The following PPM1L variants were observed in gnomAD, a reference collection of about 807,000 sequenced individuals.
PPM1L encodes protein phosphatase 1L.
PPM1L carries 13 observed loss-of-function variants against 31.4 expected under a neutral mutation model. The ratio of observed to expected loss-of-function variants is 0.41; its 90% confidence interval spans 0.27 to 0.66. The LOEUF (loss-of-function observed/expected upper bound fraction) is 0.66, where lower values mean the gene tolerates loss of function less well. Among genes scored for constraint, PPM1L ranks in the 30% least tolerant of loss-of-function variants. The pLI is 0.29. For missense variants in PPM1L, 326 were observed against 453.7 expected (o/e 0.72, Z 2.56); for synonymous variants, 184 against 175.4 (o/e 1.05, Z -0.39).
intron 1 of PPM1L, among the ~76,000 whole-genome samples, chr3:160,908,848 G>A (rs1713854810): frequency 6.6e-6 from 1 of 152,164 alleles, no homozygotes; most frequent in Non-Finnish European, 1.5e-5. Context: ...GCTAAACCTT[G>A]AGTGGTGAAT....
chr3:160,947,644 C>T (rs1293123473), intron 1 of PPM1L, among the ~76,000 whole-genome samples: 1 of 152,100 alleles, frequency 6.6e-6, no homozygotes, highest in Non-Finnish European at 1.5e-5. Flanking sequence ...TCTACTTCTG[C>T]CCACTCCCCA....
At chr3:160,773,447 T>G (rs1205236692) in intron 1 of PPM1L, among the ~76,000 whole-genome samples, 1 of 152,152 alleles carries the variant, frequency 6.6e-6, no homozygotes, top group African/African-American at 2.4e-5. Context: ...GGAAAGAGGC[T>G]GAGAAGTACA....
chr3:161,069,203 C>T lies in PPM1L; in HGVS notation c.*46C>T, dbSNP rs761632799. ...GCCTTAGACTAAAGGACTTTCAACA[C>T]ACTGGTCTCTTTTAATTTAGTGAAA... On this transcript the variant is annotated 3_prime_UTR_variant, in exon 4 of 4. Coordinates refer to ENST00000498165, the MANE Select transcript of PPM1L (RefSeq NM_139245.4). 7.3e-7 allele frequency: 1 copy of T among 1,369,002 alleles called. No individual in the cohort carries two copies. Among genetic ancestry groups the T allele is most frequent in the South Asian group, 1.3e-5 (1 of 74,564 alleles). The allele number at this position is 1,369,002 out of a possible 1,614,324, so 84.8% of individuals were successfully genotyped here.
At chr3:160,818,366 G>A (rs1169489817) in intron 1 of PPM1L, among the ~76,000 whole-genome samples, 1 of 151,980 alleles carries the variant, frequency 6.6e-6, no homozygotes, top group East Asian at 1.9e-4. Flanking sequence ...CACAGTATTT[G>A]TTTGAAAGCC....
intron 1 of PPM1L, among the ~76,000 whole-genome samples, chr3:160,864,983 G>A (rs1363614670): frequency 6.6e-6 from 1 of 152,122 alleles, no homozygotes; most frequent in Non-Finnish European, 1.5e-5. Flanking sequence ...AAACCACTGA[G>A]GAAGTTTATA....
At position 161,049,293 on chromosome 3, in the gene PPM1L, C is replaced by A. The variant is rs538918922; in HGVS notation, c.575-16110C>A. 7.9e-4 allele frequency among the ~76,000 whole-genome samples: 120 copies of A among 151,504 alleles called. 1 individual carries two copies. In the South Asian group the frequency reaches 0.01, roughly 13 times the overall value. On this transcript the variant is annotated intron_variant, in intron 2 of 3. Transcript: ENST00000498165. ...ATCCTGTCTCAAAAAAAAAACCAAA[C>A]CAAAACAAAACAAAACAAAAAAACC...
chr3:160,765,675 A>G (rs1415370708), intron 1 of PPM1L, among the ~76,000 whole-genome samples: 2 of 152,232 alleles, frequency 1.3e-5, no homozygotes, highest in Non-Finnish European at 2.9e-5. Flanking sequence ...CATAGAAATT[A>G]TAGTGGTATT....
chr3:160,968,451 A>G (rs941100531), intron 2 of PPM1L, among the ~76,000 whole-genome samples: 4 of 152,288 alleles, frequency 2.6e-5, no homozygotes, highest in African/African-American at 9.6e-5. Context: ...CTAAATATTT[A>G]TTATGTGTCA....
At position 160,801,704 on chromosome 3, in the gene PPM1L, T is replaced by G. The variant is rs1712430960; in HGVS notation, c.399+44997T>G. On this transcript the variant is annotated intron_variant, in intron 1 of 3. Transcript: ENST00000498165. ...CTGCAGTTTTTTGTTTTGTTTTGTTTTTAAAACTGTGTCCCTGCCTCTAGT... is the reference window on the plus strand; with the variant it reads ...CTGCAGTTTTTTGTTTTGTTTTGTTGTTAAAACTGTGTCCCTGCCTCTAGT... 4.6e-5 allele frequency among the ~76,000 whole-genome samples: 7 copies of G among 152,200 alleles called. No individual in the cohort carries two copies. The South Asian group carries it at 1.5e-3, about 32-fold the overall frequency.
At chr3:160,805,865 GC>G (rs1404198684) in intron 1 of PPM1L, among the ~76,000 whole-genome samples, 1 of 152,170 alleles carries the variant, frequency 6.6e-6, no homozygotes. Context: ...GTTCTGCTCA[GC>G]ATTTAAAAAC....
intron 1 of PPM1L, among the ~76,000 whole-genome samples, chr3:160,780,659 CTA>C (rs1711716756): frequency 6.6e-6 from 1 of 152,144 alleles, no homozygotes; most frequent in African/African-American, 2.4e-5. Flanking sequence ...CTTTCGAACT[CTA>C]TATTCGTCCT....
In PPM1L at chr3:160,756,233, C is replaced by G. The variant is rs773390877; in HGVS notation, c.-76C>G. ...CTCCGCCTCCCTCCCGGCGGGCTGTCCCCGCAGTGCTCCCGGACCCGGCGA... is the reference window on the plus strand; with the variant it reads ...CTCCGCCTCCCTCCCGGCGGGCTGTGCCCGCAGTGCTCCCGGACCCGGCGA... On this transcript the variant is annotated 5_prime_UTR_variant, in exon 1 of 4. Transcript: ENST00000498165. The surrounding 1 kb of genome is among the most constrained non-coding windows in gnomAD (Gnocchi z 6.2). 1.3e-6 allele frequency: 2 copies of G among 1,508,370 alleles called. No homozygotes were observed. The highest frequency in any genetic ancestry group is 1.8e-5 in the Admixed American group (1 of 54,488). The allele number at this position is 1,508,370 out of a possible 1,614,324, so 93.4% of individuals were successfully genotyped here.
At chr3:160,908,681 C>G (rs1456430177) in intron 1 of PPM1L, among the ~76,000 whole-genome samples, 1 of 152,138 alleles carries the variant, frequency 6.6e-6, no homozygotes, top group Non-Finnish European at 1.5e-5. Context: ...ATTACCAAGA[C>G]AGAGTCCTTG....
intron 1 of PPM1L, among the ~76,000 whole-genome samples, chr3:160,867,583 T>C (rs1358764417): frequency 6.6e-6 from 1 of 152,170 alleles, no homozygotes; most frequent in Non-Finnish European, 1.5e-5. Flanking sequence ...GAAAATTTTG[T>C]TCTGAATTAT....
chr3:160,840,731 AGAGAGAGAGAAG>A (rs1713847281), intron 1 of PPM1L, among the ~76,000 whole-genome samples: 1 of 148,048 alleles, frequency 6.8e-6, no homozygotes, highest in South Asian at 2.1e-4. Context: ...AGAGAGAGAG[AGAGAGAGAGAAG>A]GAGAGAGAGA....
intron 1 of PPM1L, among the ~76,000 whole-genome samples, chr3:160,831,189 T>C (rs1435323835): frequency 6.6e-6 from 1 of 152,140 alleles, no homozygotes; most frequent in African/African-American, 2.4e-5. Context: ...CAGTGATGAG[T>C]TGGATGTTCC....
chr3:160,897,374 T>C (rs917644508), intron 1 of PPM1L, among the ~76,000 whole-genome samples: 1 of 152,168 alleles, frequency 6.6e-6, no homozygotes, highest in African/African-American at 2.4e-5. Context: ...TATTACCAGA[T>C]GATGACATTG....
chr3:160,900,804 T>C (rs1488798031), intron 1 of PPM1L, among the ~76,000 whole-genome samples: 1 of 152,184 alleles, frequency 6.6e-6, no homozygotes, highest in South Asian at 2.1e-4. Context: ...TCGCAGTATT[T>C]CAAGTAATTT....
intron 1 of PPM1L, among the ~76,000 whole-genome samples, chr3:160,854,077 G>A (rs1178852941): frequency 2.6e-5 from 4 of 152,174 alleles, no homozygotes; most frequent in Admixed American, 6.5e-5. Flanking sequence ...TGGCATGCCA[G>A]GCAGGTGGTA....
Sources: gnomAD v4.1 joint callset for allele counts (sites outside exome capture counted in the v4.1 genomes callset) on GRCh38, gnomAD v4.1.1 for gene constraint, Gnocchi (gnomAD v3.1) non-coding constraint, MANE v1.5 for transcripts, NCBI Gene and HGNC (gene_info 2026-07-23, HGNC 2026-07-21) for gene names.